STAM2: variants seen among roughly 807,000 people sequenced by gnomAD.
The protein encoded by STAM2 is signal transducing adapter molecule 2.
A neutral mutation model predicts 65.6 loss-of-function variants in STAM2; 51 were observed. The ratio of observed to expected loss-of-function variants is 0.78; its 90% CI spans 0.62 to 0.98. The LOEUF (loss-of-function observed/expected upper bound fraction) is 0.98, where lower values mean the gene tolerates loss of function less well. Among genes scored for constraint, STAM2 ranks in the 50% least tolerant of loss-of-function variants. STAM2 has a pLI of 0.00. For missense variants in STAM2, 584 were observed against 617.8 expected (o/e 0.95, Z 0.58); for synonymous variants, 198 against 208.4 (o/e 0.95, Z 0.43).
chr2:152,136,084 G>A (rs1213244967), intron 7 of STAM2, among the ~76,000 whole-genome samples: 2 of 126,084 alleles, frequency 1.6e-5, no homozygotes, highest in Admixed American at 8.7e-5. Flanking sequence ...AGCAAGACTC[G>A]TCTCAAAAAA....
chr2:152,165,209 A>G (rs1329294148), intron 1 of STAM2, among the ~76,000 whole-genome samples: 1 of 151,998 alleles, frequency 6.6e-6, no homozygotes, highest in East Asian at 1.9e-4. Context: ...GCAGATCATG[A>G]GGTCAGGAGA....
chr2:152,141,593 G>A (rs190245266), intron 7 of STAM2, among the ~76,000 whole-genome samples: 183 of 151,314 alleles, frequency 1.2e-3, no homozygotes, highest in Non-Finnish European at 9.9e-4. Flanking sequence ...TTGTTTGTTT[G>A]TTTGTTTGTT....
At chr2:152,158,947 G>A (rs1410721085) in intron 1 of STAM2, among the ~76,000 whole-genome samples, 1 of 151,106 alleles carries the variant, frequency 6.6e-6, no homozygotes, top group South Asian at 2.1e-4. Context: ...TCTCCAACTC[G>A]TAAATTTTGG....
At chr2:152,124,125 T>C (rs957113208) in intron 12 of STAM2, 190 bp from the exon 13 acceptor site, 4 of 546,830 alleles carry the variant, frequency 7.3e-6, no homozygotes, top group African/African-American at 5.7e-5. Flanking sequence ...CTATGGAAAT[T>C]TGATTTGTTT....
At chr2:152,161,033 G>A (rs1335732517) in intron 1 of STAM2, among the ~76,000 whole-genome samples, 3 of 152,342 alleles carry the variant, frequency 2.0e-5, no homozygotes, top group African/African-American at 7.2e-5. Context: ...CATGATGACG[G>A]TGGCGGTTTT....
At chr2:152,150,651 T>G (rs1398762449) in intron 1 of STAM2, among the ~76,000 whole-genome samples, 1 of 152,012 alleles carries the variant, frequency 6.6e-6, no homozygotes, top group African/African-American at 2.4e-5. Flanking sequence ...AAATAAATTT[T>G]AAAAATTAGC....
intron 1 of STAM2, among the ~76,000 whole-genome samples, chr2:152,157,532 C>A (rs1024305682): frequency 6.6e-6 from 1 of 152,150 alleles, no homozygotes; most frequent in Non-Finnish European, 1.5e-5. Flanking sequence ...CATATGAGGG[C>A]ACAGCAATAA....
intron 1 of STAM2, among the ~76,000 whole-genome samples, chr2:152,160,936 A>T (rs77095613): frequency 6.9e-6 from 1 of 145,192 alleles, no homozygotes; most frequent in Non-Finnish European, 1.5e-5. Context: ...GCCTCTGCCC[A>T]GCCGCCCCTA....
intron 1 of STAM2, among the ~76,000 whole-genome samples, chr2:152,166,118 G>A (rs1205995546): frequency 1.3e-5 from 2 of 152,138 alleles, no homozygotes; most frequent in Non-Finnish European, 2.9e-5. Flanking sequence ...AGGGTGCAGT[G>A]AGCCCAGATC....
At chr2:152,125,564 A>G (rs1688949366) in intron 12 of STAM2, among the ~76,000 whole-genome samples, 2 of 152,204 alleles carry the variant, frequency 1.3e-5, no homozygotes, top group Non-Finnish European at 2.9e-5. Context: ...TTCGCTTCAC[A>G]TGGCAAGCAC....
intron 1 of STAM2, among the ~76,000 whole-genome samples, chr2:152,171,547 A>G (rs1689898945): frequency 6.6e-6 from 1 of 152,156 alleles, no homozygotes; most frequent in Non-Finnish European, 1.5e-5. Context: ...TTATATTGGG[A>G]TTTCTTATAA....
intron 7 of STAM2, among the ~76,000 whole-genome samples, chr2:152,138,457 G>A (rs893040761): frequency 2.0e-5 from 3 of 151,990 alleles, no homozygotes; most frequent in Admixed American, 6.6e-5. Context: ...CAACCTTTAT[G>A]AACTCCTACC....
Position 152,147,175 on chromosome 2 carries a change from G to A in STAM2, c.434C>T (p.Pro145Leu). 6.2e-7 allele frequency: 1 copy of A among 1,606,652 alleles called. No individual in the cohort carries two copies. The highest frequency in any genetic ancestry group is 2.2e-5 in the East Asian group (1 of 44,620). The part of the protein sequence containing the change: ...SMKEEGITFP[P>L]AGSQTVSAAA... The stretch of plus-strand genomic sequence containing the variant: ...TAAATCTCTCACCTGAGAACCTGCT[G>A]GAGGAAAAGTAATTCCTTCTTCTTT... The change falls in exon 5 of 14, where the codon CCA (proline) becomes CTA (leucine). Residue 145 changes from proline (P) to leucine (L), a missense_variant. Pro to Leu is a moderately conservative substitution (Grantham distance 98). Coordinates refer to ENST00000263904, the MANE Select transcript of STAM2 (RefSeq NM_005843.6).
At chr2:152,147,982 ATTT>A in intron 4 of STAM2, 39 bp downstream of exon 4, 1 of 1,450,402 alleles carries the variant, frequency 6.9e-7, no homozygotes, top group Non-Finnish European at 9.5e-7. Context: ...CACAATCTAC[ATTT>A]TTTTAATGAC....
intron 11 of STAM2, among the ~76,000 whole-genome samples, chr2:152,129,786 T>C (rs1027379794): frequency 1.3e-5 from 2 of 152,230 alleles, no homozygotes; most frequent in African/African-American, 4.8e-5. Context: ...AACATTAACA[T>C]GCTGCATTGA....
Position 152,133,227 on chromosome 2 carries a change from T to G in STAM2, c.916A>C (p.Ser306Arg), listed in dbSNP as rs773046444. 2 of 1,610,512 alleles carry G rather than the reference T, an allele frequency of 1.2e-6. No individual in the cohort carries two copies. Among genetic ancestry groups the G allele is most frequent in the Admixed American group, 3.4e-5 (2 of 59,360 alleles). Residue 306 changes from serine to arginine, a missense_variant, in exon 10 of 14, where the codon AGT (serine) becomes CGT (arginine). By Grantham distance (110) the Ser-to-Arg change is moderately radical. Coordinates refer to ENST00000263904, the MANE Select transcript of STAM2 (RefSeq NM_005843.6). The part of the protein sequence containing the change: ...KMDRALQVLQ[S>R]IDPTDSKPDS... ...GGTTTTGAATCTGTTGGATCTATACTCTGAAGTACCTGCAGGGCTCTATCC... is the reference window on the plus strand; with the variant it reads ...GGTTTTGAATCTGTTGGATCTATACGCTGAAGTACCTGCAGGGCTCTATCC...
chr2:152,156,341 G>A (rs1689546270), intron 1 of STAM2, among the ~76,000 whole-genome samples: 1 of 152,150 alleles, frequency 6.6e-6, no homozygotes, highest in Non-Finnish European at 1.5e-5. Context: ...TTTCAAGGGA[G>A]CTAAATAACA....
In STAM2 at chr2:152,171,151, C is replaced by T. The variant is rs185472539; in HGVS notation, c.40+4452G>A. On this transcript the variant is annotated intron_variant, in intron 1 of 13. Coordinates refer to ENST00000263904, the MANE Select transcript of STAM2 (RefSeq NM_005843.6). ...CTATCTATTTATAGAGTGTTTAACT[C>T]GGAGAAAGGAGGAAGAATGGGATCA... is the stretch of plus-strand genomic sequence containing the variant. Among the ~76,000 whole-genome samples, 331 of 152,062 alleles carry T rather than the reference C, an allele frequency of 2.2e-3. 2 individuals are homozygous for T. The highest frequency in any genetic ancestry group is 7.2e-3 in the African/African-American group (300 of 41,476).
At chr2:152,155,853 C>A (rs1689532958) in intron 1 of STAM2, among the ~76,000 whole-genome samples, 1 of 152,170 alleles carries the variant, frequency 6.6e-6, no homozygotes, top group Non-Finnish European at 1.5e-5. Flanking sequence ...TGGAACCTCA[C>A]ACGTGGTGTG....
Sources: gnomAD v4.1 joint callset for allele counts (sites outside exome capture counted in the v4.1 genomes callset) on GRCh38, gnomAD v4.1.1 for gene constraint, MANE v1.5 for transcripts, NCBI Gene and HGNC (gene_info 2026-07-23, HGNC 2026-07-21) for gene names.